The following COMMD6 variants were observed in gnomAD, a reference collection of about 807,000 sequenced individuals.
The protein encoded by COMMD6 is COMM domain containing 6.
COMMD6 carries 11 observed loss-of-function variants against 13.4 expected under a neutral mutation model. That is an observed-to-expected ratio of 0.82 (90% CI 0.52 to 1.36). COMMD6 has a LOEUF of 1.36. COMMD6 is among the 40% of genes most tolerant of loss of function. The probability of loss-of-function intolerance (pLI) is 0.00; values close to 1 mark genes in which losing one functional copy is unlikely to be tolerated. For missense variants in COMMD6, 124 were observed against 102.4 expected (o/e 1.21, Z -0.91); for synonymous variants, 43 against 36.5 (o/e 1.18, Z -0.64).
chr13:75,529,982 A>C, intron 3 of COMMD6, 132 bp downstream of exon 3: 1 of 660,740 alleles, frequency 1.5e-6, no homozygotes, highest in Non-Finnish European at 2.6e-6. Flanking sequence ...TGCATATACT[A>C]CTAGTAAACG....
chr13:75,536,056 T>C (rs1307277424), intron 2 of COMMD6, among the ~76,000 whole-genome samples: 1 of 152,058 alleles, frequency 6.6e-6, no homozygotes, highest in Non-Finnish European at 1.5e-5. Context: ...CCTGATTAAT[T>C]TTTTTATTTT....
At chr13:75,546,813 A>T (rs539262380) in intron 1 of COMMD6, among the ~76,000 whole-genome samples, 120 of 152,356 alleles carry the variant, frequency 7.9e-4, no homozygotes, top group African/African-American at 2.7e-3. Context: ...GTGCATACTC[A>T]CAAGAAGGGG....
intron 1 of COMMD6, among the ~76,000 whole-genome samples, chr13:75,547,230 G>A (rs994289062): frequency 3.9e-5 from 6 of 151,924 alleles, no homozygotes; most frequent in Non-Finnish European, 7.4e-5. Context: ...GCATTAAATA[G>A]ACCATCAAGA....
chr13:75,536,029 A>C (rs2030651599), intron 2 of COMMD6, among the ~76,000 whole-genome samples: 5 of 152,030 alleles, frequency 3.3e-5, no homozygotes, highest in Admixed American at 3.3e-4. Context: ...CTAGTACTAC[A>C]GGTCTGTGCC....
chr13:75,542,258 T>C (rs1271116573), upstream of COMMD6, among the ~76,000 whole-genome samples: 1 of 151,686 alleles, frequency 6.6e-6, no homozygotes, highest in Non-Finnish European at 1.5e-5. Context: ...CTTCCCCAGC[T>C]CTATTTGTCA....
At chr13:75,537,954 T>C (rs900991708), upstream of COMMD6, 6 of 744,454 alleles carry the variant, frequency 8.1e-6, no homozygotes, top group Non-Finnish European at 1.3e-5. Flanking sequence ...CTCATATTTT[T>C]TCTTAATTCA....
intron 3 of COMMD6, among the ~76,000 whole-genome samples, chr13:75,528,136 T>C (rs552128429): frequency 3.3e-5 from 5 of 151,966 alleles, no homozygotes; most frequent in African/African-American, 4.8e-5. Flanking sequence ...ATATCTTTTA[T>C]CATATCATCA....
chr13:75,530,092 C>A (rs375668976), intron 3 of COMMD6, 22 bp downstream of exon 3: 2 of 1,590,372 alleles, frequency 1.3e-6, no homozygotes, highest in Non-Finnish European at 1.7e-6. Flanking sequence ...TGAGCTAAAA[C>A]TGGATGAGTT....
At chr13:75,540,336 A>C (rs889988836), upstream of COMMD6, among the ~76,000 whole-genome samples, 5 of 94,464 alleles carry the variant, frequency 5.3e-5, no homozygotes, top group Non-Finnish European at 1.0e-4. Flanking sequence ...ACACACACAC[A>C]CACACACCCA....
intron 2 of COMMD6, among the ~76,000 whole-genome samples, chr13:75,535,347 A>C (rs2030628586): frequency 6.6e-6 from 1 of 152,198 alleles, no homozygotes; most frequent in African/African-American, 2.4e-5. Context: ...AAAAGCTCTG[A>C]GTAGCGGAGA....
upstream of COMMD6, among the ~76,000 whole-genome samples, chr13:75,541,004 AG>A (rs1339995221): frequency 6.6e-6 from 1 of 152,238 alleles, no homozygotes; most frequent in Admixed American, 6.5e-5. Context: ...GATTGGTTCC[AG>A]GACCAATTAA....
upstream of COMMD6, among the ~76,000 whole-genome samples, chr13:75,542,776 G>A (rs1434469303): frequency 6.6e-6 from 1 of 152,238 alleles, no homozygotes; most frequent in Non-Finnish European, 1.5e-5. Flanking sequence ...AGGAGTTAGA[G>A]TCAGAGACAG....
chr13:75,537,806 G>T lies in COMMD6; in HGVS notation c.-1C>A. On this transcript the variant is annotated 5_prime_UTR_variant, in exon 1 of 4. Coordinates refer to ENST00000682242, the MANE Select transcript of COMMD6 (RefSeq NM_203495.4). ...GCGGCGGCTCGCTGGACGCCTCCAT[G>T]GGCAGCGTCTGGGACTTGCGGCCCG... The T allele has an allele frequency of 6.2e-7, 1 of 1,603,856 alleles. No homozygotes were observed. Among genetic ancestry groups the T allele is most frequent in the Non-Finnish European group, 8.5e-7 (1 of 1,173,260 alleles).
intron 2 of COMMD6, among the ~76,000 whole-genome samples, chr13:75,536,166 G>A (rs1277144775): frequency 6.6e-6 from 1 of 152,138 alleles, no homozygotes; most frequent in Non-Finnish European, 1.5e-5. Flanking sequence ...GAGCCACCAT[G>A]GCTGGCCTGT....
intron 3 of COMMD6, among the ~76,000 whole-genome samples, chr13:75,527,196 T>C (rs1259459609): frequency 6.6e-6 from 1 of 152,236 alleles, no homozygotes; most frequent in African/African-American, 2.4e-5. Context: ...CAAATTGTTC[T>C]TCTGTCTTCT....
At chr13:75,538,028 G>T (rs544440831), upstream of COMMD6, 5 of 459,752 alleles carry the variant, frequency 1.1e-5, no homozygotes, top group African/African-American at 8.0e-5. Context: ...CCAAAGATTT[G>T]GGAGATACTT....
intron 2 of COMMD6, 149 bp downstream of exon 2, chr13:75,537,515 G>A (rs1419862863): frequency 1.7e-5 from 26 of 1,569,044 alleles, no homozygotes; most frequent in Non-Finnish European, 2.2e-5. Context: ...AGGTGCAAAA[G>A]AGAAGGAGCA....
intron 3 of COMMD6, among the ~76,000 whole-genome samples, chr13:75,526,974 A>C (rs1170753405): frequency 6.6e-6 from 1 of 152,228 alleles, no homozygotes; most frequent in Non-Finnish European, 1.5e-5. Flanking sequence ...CCAGGCCTCA[A>C]AACACTTTCA....
chr13:75,532,853 T>A (rs2030531134), intron 2 of COMMD6, among the ~76,000 whole-genome samples: 1 of 152,180 alleles, frequency 6.6e-6, no homozygotes, highest in Non-Finnish European at 1.5e-5. Flanking sequence ...TTTATCTTAC[T>A]ATGGAGAACT....
Sources: allele counts gnomAD v4.1 joint callset (sites outside exome capture counted in the v4.1 genomes callset), GRCh38; gene constraint gnomAD v4.1.1; transcripts MANE v1.5; gene names NCBI Gene and HGNC (gene_info 2026-07-23, HGNC 2026-07-21).